Variants in MYO3A observed in about 807,000 individuals in gnomAD.
MYO3A encodes myosin-IIIa.
In MYO3A, 180 loss-of-function variants were observed where a neutral mutation model predicts 192.7. The ratio of observed to expected loss-of-function variants is 0.93; its 90% CI spans 0.83 to 1.06. The LOEUF (loss-of-function observed/expected upper bound fraction) is 1.06. Among genes scored for constraint, MYO3A ranks in the 50% least tolerant of loss-of-function variants. The pLI, the probability that MYO3A is intolerant of heterozygous loss-of-function variation, is 0.00. For synonymous variants in MYO3A, 628 were observed against 645.3 expected (o/e 0.97, Z 0.41); for missense variants, 1,896 against 1,905.0 (o/e 1.00, Z 0.09).
chr10:26,006,812 A>G (rs1433900697), intron 6 of MYO3A, among the ~76,000 whole-genome samples: 13 of 148,922 alleles, frequency 8.7e-5, no homozygotes, highest in Admixed American at 4.0e-4. Context: ...ACAAGGAGGA[A>G]CTGGTACCAT....
At chr10:26,072,025 G>A (rs1201410449) in intron 14 of MYO3A, among the ~76,000 whole-genome samples, 1 of 117,088 alleles carries the variant, frequency 8.5e-6, no homozygotes, top group Non-Finnish European at 2.1e-5. Context: ...GGCAGAAGGT[G>A]AAGGGCAAGC....
intron 10 of MYO3A, among the ~76,000 whole-genome samples, chr10:26,042,256 C>A (rs1843392688): frequency 6.6e-6 from 1 of 152,106 alleles, no homozygotes; most frequent in Non-Finnish European, 1.5e-5. Context: ...CTTTCTTTAT[C>A]TTTAACCTTT....
intron 15 of MYO3A, among the ~76,000 whole-genome samples, chr10:26,094,420 CTTTTT>C (rs965507109): frequency 9.9e-6 from 1 of 101,320 alleles, no homozygotes; most frequent in African/African-American, 3.9e-5. Flanking sequence ...TGAATAATTT[CTTTTT>C]TTTTTTTTTT....
chr10:26,183,475 A>G (rs1452836851), intron 31 of MYO3A, among the ~76,000 whole-genome samples: 1 of 152,206 alleles, frequency 6.6e-6, no homozygotes, highest in African/African-American at 2.4e-5. Context: ...GTGAGCCAAG[A>G]TTGCGCCACT....
chr10:26,163,803 G>A (rs1841595951), intron 26 of MYO3A, among the ~76,000 whole-genome samples: 1 of 152,170 alleles, frequency 6.6e-6, no homozygotes, highest in Non-Finnish European at 1.5e-5. Flanking sequence ...AATAGTTGGA[G>A]CCAAGCATGT....
At chr10:26,034,617 T>A (rs1842944787) in intron 10 of MYO3A, among the ~76,000 whole-genome samples, 2 of 152,178 alleles carry the variant, frequency 1.3e-5, no homozygotes, top group African/African-American at 4.8e-5. Context: ...AGCTCCATCA[T>A]TAAAATACAT....
At chr10:26,016,003 G>T (rs1841962080) in intron 6 of MYO3A, among the ~76,000 whole-genome samples, 1 of 152,108 alleles carries the variant, frequency 6.6e-6, no homozygotes, top group African/African-American at 2.4e-5. Context: ...CCCATGATTT[G>T]GGTTTAACCC....
intron 31 of MYO3A, among the ~76,000 whole-genome samples, chr10:26,178,781 G>A (rs1842457608): frequency 1.3e-5 from 2 of 151,864 alleles, no homozygotes; most frequent in Admixed American, 6.6e-5. Context: ...CTTGCCTTCT[G>A]CTTTAAATGT....
chr10:26,046,368 G>GC (rs1365595643), intron 10 of MYO3A, among the ~76,000 whole-genome samples: 1 of 152,196 alleles, frequency 6.6e-6, no homozygotes, highest in African/African-American at 2.4e-5. Context: ...CACACATCTG[G>GC]CCACAGAAGT....
At chr10:26,034,973 A>C (rs538880596) in intron 10 of MYO3A, among the ~76,000 whole-genome samples, 1 of 151,172 alleles carries the variant, frequency 6.6e-6, no homozygotes, top group African/African-American at 2.4e-5. Context: ...CTTATATTCT[A>C]AGTAAGATTT....
chr10:26,104,457 A>G (rs1588963058), intron 17 of MYO3A, among the ~76,000 whole-genome samples: 1 of 152,114 alleles, frequency 6.6e-6, no homozygotes, highest in African/African-American at 2.4e-5. Flanking sequence ...TCCTTTCCCC[A>G]TTGTTCTTGG....
intron 14 of MYO3A, among the ~76,000 whole-genome samples, chr10:26,081,262 G>T (rs1835941192): frequency 6.6e-6 from 1 of 151,764 alleles, no homozygotes; most frequent in Non-Finnish European, 1.5e-5. Flanking sequence ...GGATGGGGGT[G>T]AGATTCCCAG....
chr10:26,130,063 A>G (rs1168185150), intron 20 of MYO3A, among the ~76,000 whole-genome samples: 2 of 151,748 alleles, frequency 1.3e-5, no homozygotes, highest in African/African-American at 4.8e-5. Context: ...CAGATATTTC[A>G]ATAATTATTG....
chr10:26,006,470 T>C (rs11014903), intron 6 of MYO3A, among the ~76,000 whole-genome samples: 14,331 of 150,250 alleles, frequency 0.095, 1,191 homozygotes, highest in African/African-American at 0.22. Context: ...TCAACAAAAT[T>C]GATAGACTGC....
At chr10:25,967,193 C>T (rs1225833642) in intron 4 of MYO3A, among the ~76,000 whole-genome samples, 2 of 152,132 alleles carry the variant, frequency 1.3e-5, no homozygotes, top group Admixed American at 6.5e-5. Flanking sequence ...TAACTGAAAA[C>T]CCACATAGAT....
intron 14 of MYO3A, among the ~76,000 whole-genome samples, chr10:26,084,593 T>TCAG (rs1836186242): frequency 6.6e-6 from 1 of 152,156 alleles, no homozygotes; most frequent in Non-Finnish European, 1.5e-5. Context: ...GTGTCTGAAC[T>TCAG]CCTGGGCTCA....
At chr10:26,116,104 G>A (rs978370089) in intron 17 of MYO3A, among the ~76,000 whole-genome samples, 7 of 151,934 alleles carry the variant, frequency 4.6e-5, no homozygotes, top group Admixed American at 3.9e-4. Flanking sequence ...CAAAAAAAAA[G>A]CATTAGTTTG....
chr10:26,064,659 T>C (rs911053845), intron 10 of MYO3A, among the ~76,000 whole-genome samples: 2 of 152,032 alleles, frequency 1.3e-5, no homozygotes, highest in South Asian at 4.2e-4. Context: ...AGAAGAAATA[T>C]AGTGGGGGGA....
At chr10:25,946,374 G>A (rs1285707470) in intron 2 of MYO3A, among the ~76,000 whole-genome samples, 1 of 151,224 alleles carries the variant, frequency 6.6e-6, no homozygotes, top group African/African-American at 2.4e-5. Context: ...AGAATTCTCA[G>A]TTGACAGGTT....
Sources: gnomAD v4.1 joint callset for allele counts (sites outside exome capture counted in the v4.1 genomes callset) on GRCh38, gnomAD v4.1.1 for gene constraint, MANE v1.5 for transcripts, NCBI Gene and HGNC (gene_info 2026-07-23, HGNC 2026-07-21) for gene names.